The following IRAG1 variants were observed in gnomAD, a reference collection of about 807,000 sequenced individuals.
IRAG1 encodes the protein inositol 1,4,5-triphosphate receptor associated 1.
Under a neutral mutation model 106.2 loss-of-function variants are expected in IRAG1, and 62 were observed. The observed-to-expected ratio is 0.58, with a 90% CI of 0.48 to 0.72. The LOEUF (loss-of-function observed/expected upper bound fraction) is 0.72. Among genes scored for constraint, IRAG1 ranks in the 30% least tolerant of loss-of-function variants. The pLI, the probability that IRAG1 is intolerant of heterozygous loss-of-function variation, is 0.00. For missense variants in IRAG1, 1,064 were observed against 1,140.7 expected, an observed-to-expected ratio of 0.93 and a Z score of 0.97; for synonymous variants, 462 against 443.9, an observed-to-expected ratio of 1.04 and a Z score of -0.51.
intron 10 of IRAG1, among the ~76,000 whole-genome samples, chr11:10,615,626 T>C (rs1446558908): frequency 6.6e-6 from 1 of 152,090 alleles, no homozygotes; most frequent in Admixed American, 6.5e-5. Flanking sequence ...GTTCATGTCC[T>C]TTGTAGGGAC....
intron 7 of IRAG1, 35 bp from the exon 8 acceptor site, chr11:10,627,795 T>G: frequency 1.2e-6 from 2 of 1,613,678 alleles, no homozygotes; most frequent in Non-Finnish European, 1.7e-6. Flanking sequence ...CAGTCAGCAA[T>G]GGGAAGAGAC....
chr11:10,598,970 C>T (rs1271096538), intron 15 of IRAG1, among the ~76,000 whole-genome samples: 1 of 152,200 alleles, frequency 6.6e-6, no homozygotes, highest in Non-Finnish European at 1.5e-5. Flanking sequence ...AGGGAACAGT[C>T]ATAGAGTATC....
chr11:10,654,502 C>T (rs985803701), intron 1 of IRAG1, among the ~76,000 whole-genome samples: 1 of 152,198 alleles, frequency 6.6e-6, no homozygotes. Context: ...CTCAAGTAGA[C>T]CATCCATAGA....
intron 1 of IRAG1, among the ~76,000 whole-genome samples, chr11:10,654,085 G>C (rs1858734299): frequency 6.6e-6 from 1 of 152,196 alleles, no homozygotes; most frequent in Non-Finnish European, 1.5e-5. Context: ...ACTGCTGACT[G>C]CTGGAGGCTG....
chr11:10,605,354 G>A (rs917256211), intron 12 of IRAG1, among the ~76,000 whole-genome samples: 2 of 152,214 alleles, frequency 1.3e-5, no homozygotes, highest in Non-Finnish European at 2.9e-5. Context: ...TGAAGTTCAT[G>A]TAACATGGCC....
intron 11 of IRAG1, among the ~76,000 whole-genome samples, chr11:10,607,044 C>A (rs1358282649): frequency 5.3e-5 from 8 of 152,160 alleles, no homozygotes; most frequent in Admixed American, 5.2e-4. Context: ...ATATCACCTA[C>A]CTTGCAGAGG....
At chr11:10,635,421 G>A (rs1857076191) in intron 2 of IRAG1, among the ~76,000 whole-genome samples, 1 of 152,216 alleles carries the variant, frequency 6.6e-6, no homozygotes, top group African/African-American at 2.4e-5. Context: ...TCAAAGCAGT[G>A]GGTGCCCACT....
chr11:10,675,860 C>T (rs1860612909), intron 1 of IRAG1, among the ~76,000 whole-genome samples: 1 of 152,198 alleles, frequency 6.6e-6, no homozygotes, highest in Admixed American at 6.5e-5. Context: ...GTTACACTCC[C>T]ATGCCTAGAG....
chr11:10,636,188 T>C (rs2134703033), intron 2 of IRAG1, among the ~76,000 whole-genome samples: 1 of 152,296 alleles, frequency 6.6e-6, no homozygotes, highest in East Asian at 1.9e-4. Flanking sequence ...CTATGCATGA[T>C]TGACATTTTT....
intron 15 of IRAG1, among the ~76,000 whole-genome samples, chr11:10,596,640 C>T (rs1290821961): frequency 2.0e-5 from 3 of 152,202 alleles, no homozygotes; most frequent in Admixed American, 6.5e-5. Flanking sequence ...GGGACTTTCT[C>T]ATTCTGCATT....
chr11:10,627,758 C>G lies in IRAG1; in HGVS notation c.708G>C (p.Lys236Asn). 6.2e-7 allele frequency: 1 copy of G among 1,613,976 alleles called. No homozygotes were observed. Among genetic ancestry groups the G allele is most frequent in the African/African-American group, 1.3e-5 (1 of 75,058 alleles). The change falls in exon 8 of 21, where the codon AAG (lysine) becomes AAC (asparagine). Residue 236 changes from lysine (K) to asparagine (N), a missense_variant and splice_region_variant. Transcript: ENST00000423302. ...PSPLPGAPPQ[K>N]GDEADVSSPH... is the part of the protein sequence containing the mutation. ...GTGAAGAGACGTCGGCCTCATCCCC[C>G]TTCTGCTGGAGAAGGTGAACAGGAG...
rs530380137 is a variant in IRAG1 at position 10,647,819 on chromosome 11, C to T, written c.225+4206G>A. On this transcript the variant is annotated intron_variant, in intron 2 of 20. Transcript: ENST00000423302. This position sits in a 1 kb window ranked among gnomAD's most constrained non-coding sequence, Gnocchi z 4.3. ...GAGATGGGCTGGTATGTGTCCTGAG[C>T]GGAGGTTAGGAAGGCTCTGAACACT... Among the ~76,000 whole-genome samples, 3 of 152,080 alleles carry T rather than the reference C, an allele frequency of 2.0e-5. No individual in the cohort carries two copies. The highest frequency in any genetic ancestry group is 2.1e-4 in the South Asian group (1 of 4,798).
chr11:10,622,117 A>G (rs1306938658), intron 10 of IRAG1, among the ~76,000 whole-genome samples: 1 of 152,192 alleles, frequency 6.6e-6, no homozygotes, highest in South Asian at 2.1e-4. Context: ...TGTTATATAT[A>G]TTTACAATAA....
In IRAG1 at chr11:10,659,290, C is replaced by T. The variant is rs1006609239; in HGVS notation, c.68-7108G>A. On this transcript the variant is annotated intron_variant, in intron 1 of 20. Coordinates refer to ENST00000423302, the MANE Select transcript of IRAG1 (RefSeq NM_130385.4). The surrounding 1 kb of genome is among the most constrained non-coding windows in gnomAD (Gnocchi z 4.1). The stretch of plus-strand genomic sequence containing the variant: ...AGTGACTGAAGGGGGTACAGCCACC[C>T]CCCAGTGTGTGGTGGAAGCCCCAGG... 4.6e-5 allele frequency among the ~76,000 whole-genome samples: 7 copies of T among 152,168 alleles called. No homozygotes were observed. The highest frequency in any genetic ancestry group is 1.7e-4 in the African/African-American group (7 of 41,444).
In IRAG1 at chr11:10,678,599, C is replaced by T. The variant is rs370248036; in HGVS notation, c.67+14937G>A. ...TGACCCCAGCCCAGTGCCCTTTCCA[C>T]GCCACCACAGCGGCCCTCTCTCAAT... On this transcript the variant is annotated intron_variant, in intron 1 of 20. Transcript: ENST00000423302. Among the ~76,000 whole-genome samples, 21 of 152,314 alleles carry T rather than the reference C, an allele frequency of 1.4e-4. No homozygotes were observed. In the South Asian group the frequency reaches 2.1e-3, roughly 15 times the overall value.
Position 10,603,237 on chromosome 11 carries a change from G to A in IRAG1, c.1758C>T (p.Leu586=), listed in dbSNP as rs1356972810. The change falls in exon 14 of 21, where the codon CTC becomes CTT. Residue 586 remains leucine, a synonymous_variant. Transcript: ENST00000423302. Reference sequence around the variant, plus strand: ...TTTCCCGGTGCTCACAGTGGTGCCAGAGTGAAGCTGAGGACTGAACAGGAG... The same window carrying A: ...TTTCCCGGTGCTCACAGTGGTGCCAAAGTGAAGCTGAGGACTGAACAGGAG... ...FKASITSSAS[L]WHHCEHRETY... 3.1e-6 allele frequency: 5 copies of A among 1,613,564 alleles called. No individual in the cohort carries two copies. In the South Asian group the frequency reaches 5.5e-5, roughly 18 times the overall value.
chr11:10,644,909 G>T (rs553977100), intron 2 of IRAG1, among the ~76,000 whole-genome samples: 8 of 152,142 alleles, frequency 5.3e-5, no homozygotes, highest in Non-Finnish European at 1.2e-4. Context: ...GAGTCAAATG[G>T]ATAGAGAAGC....
At chr11:10,625,247 A>C (rs571076525) in intron 9 of IRAG1, among the ~76,000 whole-genome samples, 1 of 151,962 alleles carries the variant, frequency 6.6e-6, no homozygotes, top group Non-Finnish European at 1.5e-5. Flanking sequence ...GCTGGGCCTC[A>C]CTCTGTGGAA....
In IRAG1 at chr11:10,647,793, G is replaced by A. The variant is rs541388846; in HGVS notation, c.225+4232C>T. Among the ~76,000 whole-genome samples, 16 of 152,298 alleles carry A rather than the reference G, an allele frequency of 1.1e-4. No individual in the cohort carries two copies. In the South Asian group the frequency reaches 3.1e-3, roughly 30 times the overall value. ...CAGGTCTGGGGCCCTACAGTAAGGC[G>A]GAGATGGGCTGGTATGTGTCCTGAG... On this transcript the variant is annotated intron_variant, in intron 2 of 20. Coordinates refer to ENST00000423302, the MANE Select transcript of IRAG1 (RefSeq NM_130385.4). The surrounding 1 kb of genome is among the most constrained non-coding windows in gnomAD (Gnocchi z 4.3).
Sources: allele counts gnomAD v4.1 joint callset (sites outside exome capture counted in the v4.1 genomes callset), GRCh38; gene constraint gnomAD v4.1.1; non-coding constraint Gnocchi (gnomAD v3.1); transcripts MANE v1.5; gene names NCBI Gene and HGNC (gene_info 2026-07-23, HGNC 2026-07-21).